Variants in INO80D observed in about 807,000 individuals in gnomAD.
The protein encoded by INO80D is INO80 complex subunit D.
Under a neutral mutation model 87.6 loss-of-function variants are expected in INO80D, and 21 were observed. That is an observed-to-expected ratio of 0.24 (90% CI 0.17 to 0.35). The LOEUF (loss-of-function observed/expected upper bound fraction) is 0.35, where lower values mean the gene tolerates loss of function less well. Among genes scored for constraint, INO80D ranks in the 10% least tolerant of loss-of-function variants. The pLI, the probability that INO80D is intolerant of heterozygous loss-of-function variation, is 1.00. For missense variants in INO80D, 982 were observed against 1,280.7 expected, an observed-to-expected ratio of 0.77 and a Z score of 3.56; for synonymous variants, 440 against 491.0, an observed-to-expected ratio of 0.90 and a Z score of 1.37.
chr2:206,048,292 G>A (rs1021053099), intron 4 of INO80D, among the ~76,000 whole-genome samples: 2 of 152,180 alleles, frequency 1.3e-5, no homozygotes, highest in Non-Finnish European at 2.9e-5. Flanking sequence ...GGAGTGTAGT[G>A]GTGCAATCTC....
intron 5 of INO80D, among the ~76,000 whole-genome samples, chr2:206,044,045 T>C (rs1363918047): frequency 6.6e-6 from 1 of 151,934 alleles, no homozygotes; most frequent in African/African-American, 2.4e-5. Context: ...ACTTAAAAAT[T>C]AGCCAAATGT....
intron 1 of INO80D, among the ~76,000 whole-genome samples, chr2:206,081,756 CAA>C (rs756168296): frequency 2.5e-4 from 19 of 75,204 alleles, no homozygotes; most frequent in Non-Finnish European, 2.8e-4. Context: ...GACCCTGTCT[CAA>C]AAAAAAAAAA....
chr2:206,028,855 G>A (rs546474752), intron 5 of INO80D, among the ~76,000 whole-genome samples: 85 of 151,638 alleles, frequency 5.6e-4, no homozygotes, highest in Non-Finnish European at 2.4e-4. Context: ...TGTAGGGATC[G>A]CATTAATTCT....
intron 1 of INO80D, among the ~76,000 whole-genome samples, chr2:206,079,944 C>A (rs907493404): frequency 5.9e-5 from 9 of 152,162 alleles, no homozygotes; most frequent in African/African-American, 2.2e-4. Flanking sequence ...TATGGAATGC[C>A]GAACTCCTCC....
At chr2:206,050,249 T>C (rs1367396753) in intron 4 of INO80D, among the ~76,000 whole-genome samples, 1 of 151,798 alleles carries the variant, frequency 6.6e-6, no homozygotes, top group African/African-American at 2.4e-5. Context: ...TCCCAGCACT[T>C]TGGGAAGCCG....
At chr2:206,080,750 A>AC (rs1690255744) in intron 1 of INO80D, among the ~76,000 whole-genome samples, 8 of 151,828 alleles carry the variant, frequency 5.3e-5, no homozygotes, top group Admixed American at 5.3e-4. Flanking sequence ...TACTAAAAAT[A>AC]GAAAAAATTA....
intron 1 of INO80D, among the ~76,000 whole-genome samples, chr2:206,064,229 G>A (rs1269580063): frequency 6.6e-6 from 1 of 151,268 alleles, no homozygotes; most frequent in African/African-American, 2.4e-5. Context: ...ATGGAAGGAG[G>A]GAATTACACA....
intron 1 of INO80D, among the ~76,000 whole-genome samples, chr2:206,081,013 G>A (rs1263371701): frequency 6.6e-6 from 1 of 151,476 alleles, no homozygotes; most frequent in Non-Finnish European, 1.5e-5. Flanking sequence ...TTATGCTTCA[G>A]GAACCATTCT....
Position 206,005,441 on chromosome 2 carries a change from T to C in INO80D, c.2011A>G (p.Ile671Val). 6.2e-7 allele frequency: 1 copy of C among 1,613,896 alleles called. No individual in the cohort carries two copies. The highest frequency in any genetic ancestry group is 8.5e-7 in the Non-Finnish European group (1 of 1,179,852). The change falls in exon 11 of 11, where the codon ATT becomes GTT. Residue 671 changes from isoleucine to valine, a missense_variant. By Grantham distance (29) the Ile-to-Val change is conservative. Coordinates refer to ENST00000403263, the MANE Select transcript of INO80D (RefSeq NM_017759.5). ...CCATCTGACTGGGCAAGGACCCCAA[T>C]GGTACTCAGGCACTCGAGAGAAGTT... Reference protein sequence around the residue: ...AVTSLECLSTIGVLAQSDGVP... With the variant: ...AVTSLECLSTVGVLAQSDGVP...
At chr2:206,061,256 C>T (rs1689683258) in intron 3 of INO80D, among the ~76,000 whole-genome samples, 1 of 152,140 alleles carries the variant, frequency 6.6e-6, no homozygotes, top group South Asian at 2.1e-4. Context: ...AAGCGATCCA[C>T]CGCCTTAGCC....
chr2:206,065,664 T>C (rs1391662662), intron 1 of INO80D, among the ~76,000 whole-genome samples: 1 of 152,058 alleles, frequency 6.6e-6, no homozygotes, highest in Non-Finnish European at 1.5e-5. Context: ...ATCCAGTATA[T>C]ATATAAGAAA....
In INO80D at chr2:206,048,452, C is replaced by T. The variant is rs183907919; in HGVS notation, c.965-1840G>A. ...TTTGCCATGTTGACCAGGCTGCTCT[C>T]GAACTCCTGAGCTCAAATGATCTAC... On this transcript the variant is annotated intron_variant, in intron 4 of 10. Transcript: ENST00000403263. Among the ~76,000 whole-genome samples, 336 of 152,094 alleles carry T rather than the reference C, an allele frequency of 2.2e-3. 3 individuals are homozygous for T. The highest frequency in any genetic ancestry group is 6.5e-3 in the African/African-American group (269 of 41,510).
intron 5 of INO80D, among the ~76,000 whole-genome samples, chr2:206,040,274 C>T (rs1250278312): frequency 5.4e-5 from 7 of 128,736 alleles, no homozygotes; most frequent in South Asian, 2.5e-4. Flanking sequence ...TGACAGAGTG[C>T]GACTCTGTCT....
chr2:206,014,758 C>G (rs1330302358), intron 8 of INO80D, among the ~76,000 whole-genome samples: 1 of 151,986 alleles, frequency 6.6e-6, no homozygotes, highest in Admixed American at 6.6e-5. Context: ...AATGTGGAAC[C>G]AACTTTGGAG....
chr2:206,043,632 C>T (rs1689112967), intron 5 of INO80D, among the ~76,000 whole-genome samples: 1 of 152,130 alleles, frequency 6.6e-6, no homozygotes, highest in African/African-American at 2.4e-5. Context: ...GGACTACAGG[C>T]ACCCGCCACC....
chr2:206,017,980 G>T (rs1012284398), intron 7 of INO80D, among the ~76,000 whole-genome samples, 167 bp from the exon 8 acceptor site: 1 of 152,062 alleles, frequency 6.6e-6, no homozygotes, highest in African/African-American at 2.4e-5. Flanking sequence ...GAAAATAATA[G>T]AATTTATCAG....
At chr2:206,078,040 A>G (rs1218638838) in intron 1 of INO80D, among the ~76,000 whole-genome samples, 1 of 130,068 alleles carries the variant, frequency 7.7e-6, no homozygotes, top group Non-Finnish European at 1.6e-5. Flanking sequence ...AATCATTTCC[A>G]GCAAGTTGTT....
At chr2:206,011,268 A>G (rs928993271) in intron 8 of INO80D, among the ~76,000 whole-genome samples, 1 of 152,130 alleles carries the variant, frequency 6.6e-6, no homozygotes, top group Non-Finnish European at 1.5e-5. Flanking sequence ...CTCAGGAGGA[A>G]GTTAGGGGGC....
chr2:206,070,337 T>C (rs1036908988), intron 1 of INO80D, among the ~76,000 whole-genome samples: 1 of 151,748 alleles, frequency 6.6e-6, no homozygotes, highest in African/African-American at 2.4e-5. Flanking sequence ...GGTGAAGGGA[T>C]TGCTTGAGCC....
Sources: gnomAD v4.1 joint callset for allele counts (sites outside exome capture counted in the v4.1 genomes callset) on GRCh38, gnomAD v4.1.1 for gene constraint, MANE v1.5 for transcripts, NCBI Gene and HGNC (gene_info 2026-07-23, HGNC 2026-07-21) for gene names.